The following CSNK1E variants were observed in gnomAD, a reference collection of about 807,000 sequenced individuals.
CSNK1E encodes casein kinase I isoform epsilon.
CSNK1E carries 17 observed loss-of-function variants against 46.1 expected under a neutral mutation model. The observed-to-expected ratio is 0.37, with a 90% CI of 0.25 to 0.55. The LOEUF (loss-of-function observed/expected upper bound fraction) is 0.55. CSNK1E is among the 20% of genes least tolerant of loss of function. The probability of loss-of-function intolerance (pLI) is 0.82; values close to 1 mark genes in which losing one functional copy is unlikely to be tolerated. For synonymous variants in CSNK1E, 241 were observed against 242.6 expected (o/e 0.99, Z 0.06); for missense variants, 386 against 595.4 (o/e 0.65, Z 3.66).
intron 9 of CSNK1E, 150 bp downstream of exon 9, chr22:38,293,959 T>C (rs998130905): frequency 1.2e-5 from 11 of 924,324 alleles, no homozygotes; most frequent in Non-Finnish European, 1.8e-5. Context: ...GAGGATTAAA[T>C]GAGGCCAAGT....
At chr22:38,311,979 T>A (rs2092723064) in intron 2 of CSNK1E, among the ~76,000 whole-genome samples, 2 of 152,158 alleles carry the variant, frequency 1.3e-5, no homozygotes, top group Admixed American at 6.5e-5. Context: ...AATTTTTGTA[T>A]CTTTAGTAGA....
In CSNK1E at chr22:38,294,416, C is replaced by T; in HGVS notation, c.1004G>A (p.Gly335Glu). ...ACTGCGGAGCCGGTTGGCAGTGGCC[C>T]CCGTGGGTGGGCCAGGGGGCAGGGC... is the stretch of plus-strand genomic sequence containing the variant. The part of the protein sequence containing the change: ...TRALPPGPPT[G>E]ATANRLRSAA... The change falls in exon 8 of 11, where the codon GGG (glycine) becomes GAG (glutamate). Residue 335 changes from glycine (G) to glutamate (E), a missense_variant. Physicochemically the swap from Gly to Glu is moderately conservative, Grantham distance 98. Around this residue, in one of 2 missense-constraint regions of CSNK1E, gnomAD observed 174 missense variants for 185.2 expected, o/e 0.94. Transcript: ENST00000396832. This position sits in a 1 kb window ranked among gnomAD's most constrained non-coding sequence, Gnocchi z 5.5. 6.4e-7 allele frequency: 1 copy of T among 1,559,754 alleles called. No individual in the cohort carries two copies. The highest frequency in any genetic ancestry group is 8.7e-7 in the Non-Finnish European group (1 of 1,154,686).
At chr22:38,293,766 C>G in intron 9 of CSNK1E, 1 of 405,456 alleles carries the variant, frequency 2.5e-6, no homozygotes, top group Admixed American at 3.9e-5. Context: ...CCAATGCTCA[C>G]AGGGGCTCCT....
intron 1 of CSNK1E, 103 bp from the exon 2 acceptor site, chr22:38,314,272 A>G (rs1216267319): frequency 1.2e-6 from 1 of 813,668 alleles, no homozygotes; most frequent in Middle Eastern, 2.3e-4. Context: ...GAAAACCTGC[A>G]TTCTCGAAGA....
chr22:38,291,927 A>T lies in CSNK1E; in HGVS notation c.*44T>A. ...TTTTTTTTTTTTTTTTAAAGAAAAT[A>T]CAGTGAAGACACTAGAAGGGAGAAG... On this transcript the variant is annotated 3_prime_UTR_variant, in exon 11 of 11. Transcript: ENST00000396832. 1 of 139,704 alleles carries T rather than the reference A, an allele frequency of 7.2e-6. No homozygotes were observed. 8.7% of individuals were successfully genotyped at this position (139,704 alleles called of 1,614,324 possible). A position where few individuals can be genotyped will look rare whatever the true frequency, so the allele number is the denominator to read the frequency against.
intron 7 of CSNK1E, chr22:38,297,162 A>G (rs747514419): frequency 3.9e-6 from 3 of 778,734 alleles, no homozygotes; most frequent in Admixed American, 1.7e-5. Context: ...CCGTCTAGAG[A>G]ATACAAAATC....
At position 38,298,072 on chromosome 22, in the gene CSNK1E, C is replaced by T; in HGVS notation, c.885+714G>A. 8.5e-7 allele frequency: 1 copy of T among 1,173,020 alleles called. No individual in the cohort carries two copies. The highest frequency in any genetic ancestry group is 1.1e-6 in the Non-Finnish European group (1 of 922,928). 72.7% of individuals were successfully genotyped at this position (1,173,020 alleles called of 1,614,324 possible). A position where few individuals can be genotyped will look rare whatever the true frequency, so the allele number is the denominator to read the frequency against. On this transcript the variant is annotated intron_variant, in intron 7 of 10. Transcript: ENST00000396832. The surrounding 1 kb of genome is among the most constrained non-coding windows in gnomAD (Gnocchi z 4.2). ...GGTCAAGTGGCAAATTTTGGAAAAG[C>T]CAGACCTCAGAGGATCCTTACCAGT...
At position 38,298,316 on chromosome 22, in the gene CSNK1E, A is replaced by T. The variant is rs2092651995; in HGVS notation, c.885+470T>A. 2.6e-6 allele frequency: 2 copies of T among 760,452 alleles called. No homozygotes were observed. Among genetic ancestry groups the T allele is most frequent in the Non-Finnish European group, 3.8e-6 (2 of 528,428 alleles). 47.1% of individuals were successfully genotyped at this position (760,452 alleles called of 1,614,324 possible). On this transcript the variant is annotated intron_variant, in intron 7 of 10. Transcript: ENST00000396832. This position sits in a 1 kb window ranked among gnomAD's most constrained non-coding sequence, Gnocchi z 4.2. ...ACCCCACCCCTGGGACTCTTAAAAGAGGGAAACAGAACAACTGCCTAGCCA... is the reference window on the plus strand; with the variant it reads ...ACCCCACCCCTGGGACTCTTAAAAGTGGGAAACAGAACAACTGCCTAGCCA...
Position 38,300,580 on chromosome 22 carries a change from AGCTT to A in CSNK1E, c.565+140_565+143del. 1 of 771,302 alleles carries A rather than the reference AGCTT, an allele frequency of 1.3e-6. No homozygotes were observed. The highest frequency in any genetic ancestry group is 2.6e-5 in the East Asian group (1 of 37,940). 47.8% of individuals were successfully genotyped at this position (771,302 alleles called of 1,614,324 possible). A position where few individuals can be genotyped will look rare whatever the true frequency, so the allele number is the denominator to read the frequency against. On this transcript the variant is annotated intron_variant, in intron 5 of 10. Coordinates refer to ENST00000396832, the MANE Select transcript of CSNK1E (RefSeq NM_152221.3). The surrounding 1 kb of genome is among the most constrained non-coding windows in gnomAD (Gnocchi z 4.4). ...TGTGCAAGGACACGGAATAAGCACG[AGCTT>A]GGGGGCAGACGGGGTGGGGACTTTC... is the stretch of plus-strand genomic sequence containing the variant.
Position 38,290,771 on chromosome 22 carries a change from A to G in CSNK1E, c.*1200T>C, listed in dbSNP as rs2092604384. The G allele has an allele frequency of 6.6e-6, 1 of 152,526 alleles. No individual in the cohort carries two copies. Among genetic ancestry groups the G allele is most frequent in the South Asian group, 2.1e-4 (1 of 4,838 alleles). 9.4% of individuals were successfully genotyped at this position (152,526 alleles called of 1,614,324 possible). On this transcript the variant is annotated 3_prime_UTR_variant, in exon 11 of 11. Transcript: ENST00000396832. ...AAAAGTCCAATATTTACACAGGAAA[A>G]AAGTACAAAATTCCCCCCAAAGTTC...
chr22:38,314,072 G>A lies in CSNK1E; in HGVS notation c.76+10C>T, dbSNP rs763067311. On this transcript the variant is annotated intron_variant, in intron 2 of 10. Coordinates refer to ENST00000396832, the MANE Select transcript of CSNK1E (RefSeq NM_152221.3). ...CCCCAGGGGCTCCAGCTGGAGCTAG[G>A]AACACTTACCCAGGTAGATATCTCC... 14 of 1,613,152 alleles carry A rather than the reference G, an allele frequency of 8.7e-6. No individual in the cohort carries two copies. The Admixed American group carries it at 2.0e-4, about 23-fold the overall frequency.
At chr22:38,306,992 G>A (rs1480537724) in intron 2 of CSNK1E, among the ~76,000 whole-genome samples, 2 of 152,084 alleles carry the variant, frequency 1.3e-5, no homozygotes, top group African/African-American at 4.8e-5. Flanking sequence ...GCAACATAGT[G>A]AGACCCTATC....
chr22:38,316,913 GC>G (rs1569085568), intron 1 of CSNK1E: 1 of 151,966 alleles, frequency 6.6e-6, no homozygotes, highest in African/African-American at 2.4e-5. Context: ...GCGGAGGCAG[GC>G]CGGCCGGGGG....
At chr22:38,314,284 C>T (rs1299782998) in intron 1 of CSNK1E, 115 bp from the exon 2 acceptor site, 2 of 734,488 alleles carry the variant, frequency 2.7e-6, no homozygotes, top group Non-Finnish European at 4.7e-6. Context: ...TCTCGAAGAC[C>T]ACATTCTGCA....
At chr22:38,299,827 G>GC in intron 6 of CSNK1E, 68 bp downstream of exon 6, 1 of 1,555,478 alleles carries the variant, frequency 6.4e-7, no homozygotes, top group Non-Finnish European at 8.8e-7. Flanking sequence ...GCTTTGTATG[G>GC]CCTCACCTTT....
At position 38,294,168 on chromosome 22, in the gene CSNK1E, T is replaced by A. The variant is rs1384630988; in HGVS notation, c.1159A>T (p.Asn387Tyr). ...SMRLHRGAPA[N>Y]VSSSDLTGRQ... ...CCAGTGAGGTCTGAGGAGGAGACGTTGGCGGGCGCACCCCTGTGCAGCCTC... is the reference window on the plus strand; with the variant it reads ...CCAGTGAGGTCTGAGGAGGAGACGTAGGCGGGCGCACCCCTGTGCAGCCTC... Residue 387 changes from asparagine (N) to tyrosine (Y), a missense_variant, in exon 9 of 11, where the codon AAC becomes TAC. By Grantham distance (143) the Asn-to-Tyr change is moderately radical. Around this residue, in one of 2 missense-constraint regions of CSNK1E, gnomAD observed 174 missense variants for 185.2 expected, o/e 0.94. Transcript: ENST00000396832. The surrounding 1 kb of genome is among the most constrained non-coding windows in gnomAD (Gnocchi z 5.5). 3 of 1,612,250 alleles carry A rather than the reference T, an allele frequency of 1.9e-6. No individual in the cohort carries two copies. Among genetic ancestry groups the A allele is most frequent in the Non-Finnish European group, 2.5e-6 (3 of 1,179,756 alleles).
At chr22:38,295,357 A>G (rs1201873261) in intron 7 of CSNK1E, 1 of 943,262 alleles carries the variant, frequency 1.1e-6, no homozygotes, top group Non-Finnish European at 1.3e-6. Context: ...AGAGAAGAGC[A>G]TATGTGGGGG....
chr22:38,312,539 C>T (rs533845574), intron 2 of CSNK1E, among the ~76,000 whole-genome samples: 6 of 152,272 alleles, frequency 3.9e-5, no homozygotes, highest in East Asian at 1.9e-4. Context: ...CCTGCCTCCC[C>T]GGGAGTAGCT....
intron 2 of CSNK1E, among the ~76,000 whole-genome samples, chr22:38,308,096 C>T (rs2145846085): frequency 6.6e-6 from 1 of 152,294 alleles, no homozygotes; most frequent in Non-Finnish European, 1.5e-5. Context: ...TACATTCTGT[C>T]TCTATGGATT....
Sources: allele counts gnomAD v4.1 joint callset (sites outside exome capture counted in the v4.1 genomes callset), GRCh38; gene constraint gnomAD v4.1.1; regional missense constraint gnomAD v4.1.1; non-coding constraint Gnocchi (gnomAD v3.1); transcripts MANE v1.5; gene names NCBI Gene and HGNC (gene_info 2026-07-23, HGNC 2026-07-21).